LNX1: variants seen among roughly 807,000 people sequenced by gnomAD.
The protein encoded by LNX1 is E3 ubiquitin-protein ligase LNX.
LNX1 carries 54 observed loss-of-function variants against 68.4 expected under a neutral mutation model. The ratio of observed to expected loss-of-function variants is 0.79; its 90% confidence interval spans 0.63 to 0.99. The LOEUF (loss-of-function observed/expected upper bound fraction) is 0.99. LNX1 is among the 50% of genes least tolerant of loss of function. The probability of loss-of-function intolerance (pLI) is 0.00; values close to 1 mark genes in which losing one functional copy is unlikely to be tolerated. For synonymous variants in LNX1, 336 were observed against 350.0 expected, an observed-to-expected ratio of 0.96 and a Z score of 0.45; for missense variants, 906 against 926.4, an observed-to-expected ratio of 0.98 and a Z score of 0.29.
chr4:53,519,756 C>T (rs539028008), intron 2 of LNX1, among the ~76,000 whole-genome samples: 1 of 152,268 alleles, frequency 6.6e-6, no homozygotes, highest in Admixed American at 6.5e-5. Flanking sequence ...TTAATCTTCA[C>T]AACAACCTCA....
At chr4:53,606,939 G>T (rs1434607014) in intron 2 of LNX1, among the ~76,000 whole-genome samples, 3 of 152,162 alleles carry the variant, frequency 2.0e-5, no homozygotes, top group Middle Eastern at 3.4e-3. Flanking sequence ...AACAAACTGG[G>T]CATTGAAGGA....
intron 9 of LNX1, among the ~76,000 whole-genome samples, chr4:53,471,933 T>A (rs573806728): frequency 6.6e-6 from 1 of 152,294 alleles, no homozygotes; most frequent in Admixed American, 6.5e-5. Context: ...GTGTGGCGAT[T>A]CCTCAGGGAT....
rs192360209 is a variant in LNX1, at chr4:53,579,098, G to A, written c.-86-5010C>T. On this transcript the variant is annotated intron_variant, in intron 1 of 10. Coordinates refer to ENST00000263925, the MANE Select transcript of LNX1 (RefSeq NM_001126328.3). ...TTTCTCCCACCAAAAGTAAGAGAGAGGGCCTGTCAGCTTTGTGTCCATATA... is the reference window on the plus strand; with the variant it reads ...TTTCTCCCACCAAAAGTAAGAGAGAAGGCCTGTCAGCTTTGTGTCCATATA... Among the ~76,000 whole-genome samples, 29 of 152,294 alleles carry A rather than the reference G, an allele frequency of 1.9e-4. No individual in the cohort carries two copies. The East Asian group carries it at 5.2e-3, about 27-fold the overall frequency.
intron 2 of LNX1, among the ~76,000 whole-genome samples, chr4:53,528,593 T>C (rs1727795509): frequency 6.6e-6 from 1 of 152,198 alleles, no homozygotes; most frequent in African/African-American, 2.4e-5. Context: ...GTTACGTACA[T>C]GTAGGAGAAA....
chr4:53,566,308 A>G (rs1387726673), intron 2 of LNX1, among the ~76,000 whole-genome samples: 1 of 151,562 alleles, frequency 6.6e-6, no homozygotes. Context: ...TCTCTGCAGA[A>G]ACCCTACAAG....
intron 6 of LNX1, among the ~76,000 whole-genome samples, chr4:53,489,629 A>G (rs1724550085): frequency 6.6e-6 from 1 of 152,148 alleles, no homozygotes; most frequent in Non-Finnish European, 1.5e-5. Context: ...AGATCCCCTA[A>G]TATTTGCAGT....
At chr4:53,635,156 G>T (rs1734423100) in intron 1 of LNX1, among the ~76,000 whole-genome samples, 1 of 152,148 alleles carries the variant, frequency 6.6e-6, no homozygotes, top group South Asian at 2.1e-4. Context: ...AAAACAAGCA[G>T]TTCAGATAAG....
intron 2 of LNX1, among the ~76,000 whole-genome samples, chr4:53,511,937 T>A: frequency 6.6e-6 from 1 of 152,204 alleles, no homozygotes; most frequent in East Asian, 1.9e-4. Context: ...CTCACCAACA[T>A]CATCCAGCCA....
intron 2 of LNX1, chr4:53,558,064 C>CA (rs1456943892): frequency 1.9e-6 from 3 of 1,551,530 alleles, no homozygotes; most frequent in African/African-American, 2.7e-5. Flanking sequence ...CATGCCCCCA[C>CA]AATCAGTAGA....
intron 2 of LNX1, among the ~76,000 whole-genome samples, chr4:53,570,327 T>C (rs1349211574): frequency 2.0e-5 from 3 of 150,022 alleles, no homozygotes; most frequent in Non-Finnish European, 3.0e-5. Context: ...TGGAATACTA[T>C]GTAGCCATAA....
intron 9 of LNX1, among the ~76,000 whole-genome samples, chr4:53,472,947 G>C (rs1446051028): frequency 2.6e-5 from 4 of 152,162 alleles, no homozygotes; most frequent in Non-Finnish European, 5.9e-5. Flanking sequence ...TAGTTTCTGA[G>C]TTAAATGCTG....
intron 2 of LNX1, among the ~76,000 whole-genome samples, chr4:53,565,301 G>T (rs1195027544): frequency 6.6e-6 from 1 of 152,070 alleles, no homozygotes; most frequent in Admixed American, 6.5e-5. Context: ...CTGGAGATCT[G>T]AGAATGGGCA....
intron 2 of LNX1, among the ~76,000 whole-genome samples, chr4:53,517,127 T>C (rs1025729371): frequency 6.6e-6 from 1 of 151,390 alleles, no homozygotes; most frequent in Non-Finnish European, 1.5e-5. Context: ...AGGGTGGGGG[T>C]GGTTGGGGGT....
chr4:53,469,402 T>C (rs1382141152), intron 9 of LNX1, among the ~76,000 whole-genome samples: 1 of 152,066 alleles, frequency 6.6e-6, no homozygotes, highest in Non-Finnish European at 1.5e-5. Context: ...AGATCTAAAA[T>C]TGACACCCTA....
intron 9 of LNX1, among the ~76,000 whole-genome samples, chr4:53,474,803 G>C (rs1364452166): frequency 6.6e-6 from 1 of 151,418 alleles, no homozygotes; most frequent in African/African-American, 2.4e-5. Context: ...GTCTCTCTCT[G>C]TCACCCAGGC....
intron 1 of LNX1, among the ~76,000 whole-genome samples, chr4:53,629,335 G>A (rs2109869800): frequency 6.6e-6 from 1 of 152,214 alleles, no homozygotes. Context: ...AATAATGGCT[G>A]CAAGGCCCCA....
rs528802531 is a variant in LNX1, at chr4:53,642,591, A to G, written c.-215+9577T>C. ...ATATGCTTGGGGTCAAATCAATGCT[A>G]CAGAGATAGCTCTGGAAAGAAAGAG... On this transcript the variant is annotated intron_variant, in intron 1 of 2. Coordinates refer to the LNX1 transcript ENST00000507168. 3.9e-5 allele frequency among the ~76,000 whole-genome samples: 6 copies of G among 152,284 alleles called. No homozygotes were observed. In the South Asian group the frequency reaches 1.0e-3, roughly 26 times the overall value.
chr4:53,585,910 A>G (rs769785479), intron 1 of LNX1, among the ~76,000 whole-genome samples: 9 of 152,142 alleles, frequency 5.9e-5, no homozygotes, highest in Non-Finnish European at 1.0e-4. Context: ...TTCCAGGGGT[A>G]TTCCTGCAGG....
intron 2 of LNX1, chr4:53,549,573 G>C (rs1282150079): frequency 1.3e-5 from 2 of 151,720 alleles, no homozygotes; most frequent in Admixed American, 6.6e-5. Context: ...GTTGTTTTTG[G>C]TGTGATATTA....
Sources: gnomAD v4.1 joint callset for allele counts (sites outside exome capture counted in the v4.1 genomes callset) on GRCh38, gnomAD v4.1.1 for gene constraint, MANE v1.5 for transcripts, NCBI Gene and HGNC (gene_info 2026-07-23, HGNC 2026-07-21) for gene names.